ADAMTSL1: variants seen among roughly 807,000 people sequenced by gnomAD.
ADAMTSL1 encodes the protein ADAMTS like 1.
A neutral mutation model predicts 201.8 loss-of-function variants in ADAMTSL1; 126 were observed. The ratio of observed to expected loss-of-function variants is 0.62; its 90% CI spans 0.54 to 0.72. ADAMTSL1 has a LOEUF of 0.72. Ranked by LOEUF, ADAMTSL1 falls within the 30% of genes least tolerant of loss-of-function variation. The pLI, the probability that ADAMTSL1 is intolerant of heterozygous loss-of-function variation, is 0.00. For missense variants in ADAMTSL1, 2,679 were observed against 2,277.8 expected (o/e 1.18, Z -3.59); for synonymous variants, 1,121 against 903.4 (o/e 1.24, Z -4.32).
intron 2 of ADAMTSL1, among the ~76,000 whole-genome samples, chr9:18,302,930 A>C (rs1298112969): frequency 6.6e-6 from 1 of 152,204 alleles, no homozygotes; most frequent in Non-Finnish European, 1.5e-5. Flanking sequence ...TAAGCTAATG[A>C]GATATCTTAG....
intron 12 of ADAMTSL1, among the ~76,000 whole-genome samples, chr9:18,684,427 T>C (rs559433746): frequency 3.7e-4 from 57 of 152,372 alleles, no homozygotes; most frequent in African/African-American, 1.3e-3. Context: ...ATTCTTTATA[T>C]GCATATTGAG....
rs4287034 is a variant in ADAMTSL1 at position 18,508,439 on chromosome 9, T to A, written c.191+3483T>A. ...ATTTCATTTTAGATGATTTATAGTC[T>A]CCTCCATATATAGTTTGAATGCATC... is the stretch of plus-strand genomic sequence containing the variant. On this transcript the variant is annotated intron_variant, in intron 2 of 28. Transcript: ENST00000380548. Among the ~76,000 whole-genome samples, 988 of 152,322 alleles carry A rather than the reference T, an allele frequency of 6.5e-3. 5 individuals carry two copies. Among genetic ancestry groups the A allele is most frequent in the African/African-American group, 0.018 (768 of 41,566 alleles).
At chr9:18,709,125 A>G (rs1289294617) in intron 14 of ADAMTSL1, among the ~76,000 whole-genome samples, 1 of 152,202 alleles carries the variant, frequency 6.6e-6, no homozygotes, top group Non-Finnish European at 1.5e-5. Context: ...ACCTTCAGTT[A>G]TGTCACTGTG....
At chr9:18,777,954 A>G (rs1490741289) in intron 19 of ADAMTSL1, 48 bp downstream of exon 19, 10 of 1,513,532 alleles carry the variant, frequency 6.6e-6, no homozygotes, top group Non-Finnish European at 8.8e-6. Flanking sequence ...AAGGGGCCAC[A>G]TCTGGCCCAA....
Position 18,198,397 on chromosome 9 carries a change from C to G in ADAMTSL1, c.207+34416C>G, listed in dbSNP as rs1319881861. On this transcript the variant is annotated intron_variant, in intron 2 of 29. Transcript: ENST00000680146. The stretch of plus-strand genomic sequence containing the variant: ...TAATATCCAGAATCTACAATGAACT[C>G]CAACAAATTTACAAGAAAAAAACAA... 3.9e-5 allele frequency among the ~76,000 whole-genome samples: 5 copies of G among 128,454 alleles called. No homozygotes were observed. The East Asian group carries it at 1.1e-3, about 29-fold the overall frequency. 84.3% of individuals were successfully genotyped at this position (128,454 alleles called of 152,430 possible). A position where few individuals can be genotyped will look rare whatever the true frequency, so the allele number is the denominator to read the frequency against.
intron 2 of ADAMTSL1, among the ~76,000 whole-genome samples, chr9:18,338,860 G>A (rs921412528): frequency 2.0e-5 from 3 of 152,164 alleles, no homozygotes; most frequent in South Asian, 2.1e-4. Context: ...CCACTTATAA[G>A]TGAGAGTATG....
intron 23 of ADAMTSL1, among the ~76,000 whole-genome samples, chr9:18,868,913 T>C (rs1034989346): frequency 2.6e-5 from 4 of 152,228 alleles, no homozygotes; most frequent in African/African-American, 9.6e-5. Context: ...ACAAAAGATG[T>C]TGAAATCCTA....
chr9:18,379,969 G>C (rs1338814812), intron 2 of ADAMTSL1, among the ~76,000 whole-genome samples: 1 of 152,132 alleles, frequency 6.6e-6, no homozygotes, highest in Non-Finnish European at 1.5e-5. Context: ...AGCACATACG[G>C]AATGGGATCA....
intron 1 of ADAMTSL1, among the ~76,000 whole-genome samples, chr9:18,085,698 A>T (rs143009510): frequency 2.7e-5 from 4 of 149,992 alleles, no homozygotes; most frequent in Non-Finnish European, 5.9e-5. Flanking sequence ...GTGTGTGTGT[A>T]TATATATATA....
intron 2 of ADAMTSL1, among the ~76,000 whole-genome samples, chr9:18,382,435 T>C (rs1837596431): frequency 6.6e-6 from 1 of 152,168 alleles, no homozygotes; most frequent in Non-Finnish European, 1.5e-5. Flanking sequence ...CCAAAATGCA[T>C]GTCTAAATAT....
At chr9:18,243,396 A>G (rs185324171) in intron 2 of ADAMTSL1, among the ~76,000 whole-genome samples, 7 of 152,172 alleles carry the variant, frequency 4.6e-5, no homozygotes, top group Admixed American at 2.6e-4. Flanking sequence ...TATCCCCACC[A>G]TCTCTAACCC....
chr9:18,659,005 C>T (rs1252472895), intron 8 of ADAMTSL1, among the ~76,000 whole-genome samples: 1 of 152,130 alleles, frequency 6.6e-6, no homozygotes, highest in African/African-American at 2.4e-5. Context: ...AGATTCATTG[C>T]CAACTGAGTC....
chr9:18,635,970 A>G lies in ADAMTSL1; in HGVS notation c.629A>G (p.Tyr210Cys). 1 of 1,601,862 alleles carries G rather than the reference A, an allele frequency of 6.2e-7. No homozygotes were observed. Among genetic ancestry groups the G allele is most frequent in the Non-Finnish European group, 8.5e-7 (1 of 1,177,280 alleles). ...GATGATACTGTGGTTGCAATTCCCT[A>G]TGGAAGTAGACATATTCGCCTTGTC... ...KSDDTVVAIP[Y>C]GSRHIRLVLK... is the part of the protein sequence containing the mutation. The change falls in exon 6 of 29, where the codon TAT becomes TGT. Residue 210 changes from tyrosine (Y) to cysteine (C), a missense_variant. By Grantham distance (194) the Tyr-to-Cys change is radical. Transcript: ENST00000380548.
chr9:18,126,075 T>G (rs114245929), intron 1 of ADAMTSL1, among the ~76,000 whole-genome samples: 3,132 of 152,294 alleles, frequency 0.021, 113 homozygotes, highest in African/African-American at 0.072. Context: ...TCACTCACAT[T>G]CAGAATGAGT....
intron 1 of ADAMTSL1, among the ~76,000 whole-genome samples, chr9:17,981,822 G>A (rs1355912316): frequency 6.6e-6 from 1 of 152,168 alleles, no homozygotes; most frequent in Admixed American, 6.5e-5. Flanking sequence ...GCTGGTGAGG[G>A]TGAGGTGGGG....
chr9:18,712,903 G>T (rs546318570), intron 14 of ADAMTSL1, among the ~76,000 whole-genome samples: 13,229 of 147,142 alleles, frequency 0.09, 632 homozygotes, highest in Middle Eastern at 0.12. Flanking sequence ...CGGATCTCTC[G>T]GCAGAAACCC....
chr9:18,530,970 A>G (rs374756319), intron 2 of ADAMTSL1, among the ~76,000 whole-genome samples: 32 of 152,258 alleles, frequency 2.1e-4, no homozygotes, highest in African/African-American at 7.2e-4. Context: ...GCTACCAAAG[A>G]CCTTCCAGTT....
chr9:18,575,965 A>G (rs1186243614), intron 4 of ADAMTSL1, among the ~76,000 whole-genome samples: 1 of 152,154 alleles, frequency 6.6e-6, no homozygotes, highest in Non-Finnish European at 1.5e-5. Flanking sequence ...AGCAGGCCTC[A>G]TGGTACCTTA....
intron 2 of ADAMTSL1, among the ~76,000 whole-genome samples, chr9:18,380,376 T>C (rs1470565438): frequency 6.6e-6 from 1 of 152,156 alleles, no homozygotes; most frequent in Non-Finnish European, 1.5e-5. Context: ...GAACGGAAGA[T>C]ATGAAATAAA....
Sources: gnomAD v4.1 joint callset for allele counts (sites outside exome capture counted in the v4.1 genomes callset) on GRCh38, gnomAD v4.1.1 for gene constraint, MANE v1.5 for transcripts, NCBI Gene and HGNC (gene_info 2026-07-23, HGNC 2026-07-21) for gene names.